STK32B: variants seen among roughly 807,000 people sequenced by gnomAD.
STK32B encodes the protein serine/threonine-protein kinase 32B.
STK32B carries 43 observed loss-of-function variants against 52.6 expected under a neutral mutation model. The observed-to-expected ratio is 0.82, with a 90% CI of 0.64 to 1.05. The LOEUF (loss-of-function observed/expected upper bound fraction) is 1.05, where lower values mean the gene tolerates loss of function less well. STK32B is among the 50% of genes least tolerant of loss of function. STK32B has a pLI of 0.00. For missense variants in STK32B, 621 were observed against 534.6 expected (o/e 1.16, Z -1.59); for synonymous variants, 238 against 204.3 (o/e 1.17, Z -1.41).
At chr4:5,217,910 T>C (rs573418439) in intron 3 of STK32B, among the ~76,000 whole-genome samples, 8 of 152,238 alleles carry the variant, frequency 5.3e-5, no homozygotes, top group Non-Finnish European at 1.2e-4. Flanking sequence ...GCGGTGAAAC[T>C]ACTATGAACC....
At chr4:5,185,852 A>G (rs1315801865) in intron 3 of STK32B, among the ~76,000 whole-genome samples, 1 of 152,128 alleles carries the variant, frequency 6.6e-6, no homozygotes, top group Admixed American at 6.6e-5. Flanking sequence ...CTGTAACACT[A>G]TGTACAGTCT....
At chr4:5,284,618 A>G (rs542413713) in intron 3 of STK32B, among the ~76,000 whole-genome samples, 1 of 151,806 alleles carries the variant, frequency 6.6e-6, no homozygotes, top group South Asian at 2.1e-4. Context: ...GTAAAGATGT[A>G]GTGTGAAATT....
At position 5,395,511 on chromosome 4, in the gene STK32B, G is replaced by A. The variant is rs1736828304; in HGVS notation, c.435-2696G>A. Among the ~76,000 whole-genome samples, 1 of 152,062 alleles carries A rather than the reference G, an allele frequency of 6.6e-6. No homozygotes were observed. The highest frequency in any genetic ancestry group is 6.5e-5 in the Admixed American group (1 of 15,268). On this transcript the variant is annotated intron_variant, in intron 4 of 11. Coordinates refer to ENST00000282908, the MANE Select transcript of STK32B (RefSeq NM_018401.3). This position sits in a 1 kb window ranked among gnomAD's most constrained non-coding sequence, Gnocchi z 4.4. Reference sequence around the variant, plus strand: ...GGTCCCTCTATTAGTCTTTTTTCTAGACTCTGGTTTGCCTTCTTCACCTGC... The same window carrying A: ...GGTCCCTCTATTAGTCTTTTTTCTAAACTCTGGTTTGCCTTCTTCACCTGC...
intron 3 of STK32B, among the ~76,000 whole-genome samples, chr4:5,231,903 T>C (rs961595160): frequency 2.6e-5 from 4 of 152,128 alleles, no homozygotes; most frequent in African/African-American, 9.7e-5. Flanking sequence ...TGTGCTGAGA[T>C]GAAAGAGCCA....
intron 2 of STK32B, among the ~76,000 whole-genome samples, chr4:5,160,228 T>A (rs561955734): frequency 1.3e-5 from 2 of 152,164 alleles, no homozygotes; most frequent in African/African-American, 4.8e-5. Flanking sequence ...ATCTCCACAA[T>A]GTCCTGTGCC....
At chr4:5,423,343 C>G (rs1317134422) in intron 6 of STK32B, among the ~76,000 whole-genome samples, 1 of 152,114 alleles carries the variant, frequency 6.6e-6, no homozygotes, top group Non-Finnish European at 1.5e-5. Flanking sequence ...ATGATGAACA[C>G]TCAGGAAATG....
At chr4:5,132,716 C>T (rs1233745404) in intron 1 of STK32B, among the ~76,000 whole-genome samples, 1 of 152,114 alleles carries the variant, frequency 6.6e-6, no homozygotes, top group Non-Finnish European at 1.5e-5. Flanking sequence ...ATTATTTAAC[C>T]TACCAAGTAT....
At chr4:5,431,167 A>G (rs36078840) in intron 6 of STK32B, among the ~76,000 whole-genome samples, 1,768 of 152,378 alleles carry the variant, frequency 0.012, 28 homozygotes, top group Middle Eastern at 0.034. Context: ...AGCTTGGCCC[A>G]TGGAACCAAA....
At position 5,446,556 on chromosome 4, in the gene STK32B, C is replaced by CA. The variant is rs150851938; in HGVS notation, c.563-108dup. 8.2e-3 allele frequency: 6,671 copies of CA among 811,966 alleles called. 182 individuals are homozygous for CA. In the African/African-American group the frequency reaches 0.09, roughly 11 times the overall value. 50.3% of individuals were successfully genotyped at this position (811,966 alleles called of 1,614,324 possible). Reference sequence around the variant, plus strand: ...TGGGCAGCAGAGCAAAACTCTATCTCAAAAAAAAACAAAAAAAAAAAAAAC... The same window carrying CA: ...TGGGCAGCAGAGCAAAACTCTATCTCAAAAAAAAAACAAAAAAAAAAAAAAC... On this transcript the variant is annotated intron_variant, in intron 6 of 11. Coordinates refer to ENST00000282908, the MANE Select transcript of STK32B (RefSeq NM_018401.3).
the STK32B span, among the ~76,000 whole-genome samples, chr4:5,032,618 G>A: frequency 2.6e-5 from 4 of 151,120 alleles, no homozygotes; most frequent in Non-Finnish European, 4.4e-5. Context: ...CCATACCTAT[G>A]AAAAAAAATT....
In STK32B at chr4:5,467,870, C is replaced by T; in HGVS notation, c.1042-136C>T. The stretch of plus-strand genomic sequence containing the variant: ...CCATGCAGTCAGGGTCAGCCCCAGA[C>T]ACTTAGCTTGGCTTGTCCCGGTCCC... On this transcript the variant is annotated intron_variant, in intron 10 of 11. Coordinates refer to ENST00000282908, the MANE Select transcript of STK32B (RefSeq NM_018401.3). The surrounding 1 kb of genome is among the most constrained non-coding windows in gnomAD (Gnocchi z 5.8). The T allele has an allele frequency of 2.2e-6, 2 of 928,794 alleles. No individual in the cohort carries two copies. Among genetic ancestry groups the T allele is most frequent in the Non-Finnish European group, 3.4e-6 (2 of 584,844 alleles). 57.5% of individuals were successfully genotyped at this position (928,794 alleles called of 1,614,324 possible). A position where few individuals can be genotyped will look rare whatever the true frequency, so the allele number is the denominator to read the frequency against.
chr4:5,442,341 C>G (rs1714865661), intron 6 of STK32B, among the ~76,000 whole-genome samples: 1 of 152,042 alleles, frequency 6.6e-6, no homozygotes. Context: ...TTGAATTGAT[C>G]CCTTTACCAT....
chr4:5,301,893 C>T (rs1306616071), intron 3 of STK32B, among the ~76,000 whole-genome samples: 1 of 150,960 alleles, frequency 6.6e-6, no homozygotes, highest in African/African-American at 2.4e-5. Flanking sequence ...TCTCTCTTCC[C>T]TTTAATTGTA....
At chr4:5,186,739 T>G (rs926898410) in intron 3 of STK32B, among the ~76,000 whole-genome samples, 1 of 152,170 alleles carries the variant, frequency 6.6e-6, no homozygotes, top group South Asian at 2.1e-4. Flanking sequence ...CCCATCCCCA[T>G]GGTAACACCC....
intron 3 of STK32B, among the ~76,000 whole-genome samples, chr4:5,312,337 TGCAG>T: frequency 6.6e-6 from 1 of 152,014 alleles, no homozygotes; most frequent in African/African-American, 2.4e-5. Context: ...GTGCACAATG[TGCAG>T]GTAGTTACAT....
intron 3 of STK32B, among the ~76,000 whole-genome samples, chr4:5,316,275 A>AATATATATATTATATATT (rs1730712843): frequency 1.5e-5 from 1 of 65,074 alleles, no homozygotes; most frequent in Non-Finnish European, 2.3e-5. Flanking sequence ...TAGTATATAT[A>AATATATATATTATATATT]ATATATTATA....
chr4:5,289,383 G>A (rs932320716), intron 3 of STK32B, among the ~76,000 whole-genome samples: 1 of 152,130 alleles, frequency 6.6e-6, no homozygotes, highest in Non-Finnish European at 1.5e-5. Context: ...GGACATTATT[G>A]TACACTTGGA....
Position 5,456,895 on chromosome 4 carries a change from G to A in STK32B, c.755G>A (p.Cys252Tyr). Residue 252 changes from cysteine (C) to tyrosine (Y), a missense_variant, in exon 8 of 12, where the codon TGC becomes TAC. Coordinates refer to ENST00000282908, the MANE Select transcript of STK32B (RefSeq NM_018401.3). ...CGTGTCCACTACTCCTCCACGTGGT[G>A]CAAGGGGATGGTGGCCCTGCTGAGG... ...VERVHYSSTW[C>Y]KGMVALLRKL... 1 of 1,582,756 alleles carries A rather than the reference G, an allele frequency of 6.3e-7. No individual in the cohort carries two copies. The highest frequency in any genetic ancestry group is 8.6e-7 in the Non-Finnish European group (1 of 1,163,050).
chr4:5,372,833 A>G (rs1205274697), intron 4 of STK32B, among the ~76,000 whole-genome samples: 2 of 151,988 alleles, frequency 1.3e-5, no homozygotes, highest in African/African-American at 4.8e-5. Flanking sequence ...TATGCTATGG[A>G]GCATGAAAGC....
Sources: allele counts gnomAD v4.1 joint callset (sites outside exome capture counted in the v4.1 genomes callset), GRCh38; gene constraint gnomAD v4.1.1; non-coding constraint Gnocchi (gnomAD v3.1); transcripts MANE v1.5; gene names NCBI Gene and HGNC (gene_info 2026-07-23, HGNC 2026-07-21).